MED27: variants seen among roughly 807,000 people sequenced by gnomAD.
MED27 encodes mediator complex subunit 27, also known as mediator of RNA polymerase II transcription subunit 27.
Under a neutral mutation model 38.2 loss-of-function variants are expected in MED27, and 30 were observed. The ratio of observed to expected loss-of-function variants is 0.79; its 90% confidence interval spans 0.59 to 1.07. The LOEUF (loss-of-function observed/expected upper bound fraction) is 1.07. Among genes scored for constraint, MED27 ranks in the 50% least tolerant of loss-of-function variants. The pLI, the probability that MED27 is intolerant of heterozygous loss-of-function variation, is 0.00. For missense variants in MED27, 289 were observed against 397.5 expected (o/e 0.73, Z 2.32); for synonymous variants, 122 against 153.5 (o/e 0.79, Z 1.52).
intron 3 of MED27, among the ~76,000 whole-genome samples, chr9:131,980,477 T>G (rs1302707764): frequency 1.3e-5 from 2 of 152,188 alleles, no homozygotes; most frequent in Non-Finnish European, 2.9e-5. Flanking sequence ...GGACACAGCA[T>G]GCTATTTCAT....
At chr9:131,985,653 T>C (rs989179027) in intron 3 of MED27, among the ~76,000 whole-genome samples, 3 of 152,172 alleles carry the variant, frequency 2.0e-5, no homozygotes, top group Non-Finnish European at 4.4e-5. Context: ...TGATAATAAA[T>C]GACTGTTACT....
chr9:131,907,869 C>T (rs1333864892), intron 4 of MED27, among the ~76,000 whole-genome samples: 15 of 150,322 alleles, frequency 1.0e-4, no homozygotes, highest in African/African-American at 1.7e-4. Context: ...TCTGCCCCGC[C>T]GCCCCGTCTG....
At chr9:131,873,616 G>A (rs1189329580) in intron 6 of MED27, among the ~76,000 whole-genome samples, 1 of 152,156 alleles carries the variant, frequency 6.6e-6, no homozygotes, top group East Asian at 1.9e-4. Context: ...CTTAATGAAG[G>A]AGCCATTTGC....
chr9:132,014,997 T>C (rs1832570604), intron 2 of MED27, among the ~76,000 whole-genome samples: 1 of 152,208 alleles, frequency 6.6e-6, no homozygotes, highest in African/African-American at 2.4e-5. Flanking sequence ...CAAAGTTAGT[T>C]CTGGGAAGTC....
At chr9:132,071,128 C>T (rs1334427472) in intron 2 of MED27, among the ~76,000 whole-genome samples, 1 of 152,178 alleles carries the variant, frequency 6.6e-6, no homozygotes. Context: ...TCATTTTGTC[C>T]TCATAACACC....
intron 6 of MED27, among the ~76,000 whole-genome samples, chr9:131,865,340 G>A (rs1395793570): frequency 2.6e-5 from 4 of 152,090 alleles, no homozygotes; most frequent in African/African-American, 4.8e-5. Flanking sequence ...GGTAATTGGC[G>A]GGGGGACATT....
chr9:132,073,052 C>G (rs1057394755), intron 2 of MED27, among the ~76,000 whole-genome samples: 1 of 152,020 alleles, frequency 6.6e-6, no homozygotes, highest in Admixed American at 6.5e-5. Flanking sequence ...TCAGGCAACT[C>G]CAAAAAACTT....
At chr9:131,876,028 T>A (rs1240608151) in intron 6 of MED27, among the ~76,000 whole-genome samples, 2 of 152,192 alleles carry the variant, frequency 1.3e-5, no homozygotes, top group Admixed American at 1.3e-4. Flanking sequence ...GTGGTCTCTC[T>A]CTGGGATGGT....
intron 6 of MED27, among the ~76,000 whole-genome samples, chr9:131,867,836 A>C (rs1838762353): frequency 6.6e-6 from 1 of 152,178 alleles, no homozygotes; most frequent in African/African-American, 2.4e-5. Flanking sequence ...CTCATCTAGG[A>C]GCTCGGGGAG....
At chr9:131,981,145 A>T (rs771489062) in intron 3 of MED27, among the ~76,000 whole-genome samples, 1 of 152,254 alleles carries the variant, frequency 6.6e-6, no homozygotes, top group Non-Finnish European at 1.5e-5. Flanking sequence ...ATATGATTTC[A>T]GAGCTGTTGG....
At chr9:131,911,416 T>A (rs1370228215) in intron 4 of MED27, among the ~76,000 whole-genome samples, 3 of 152,224 alleles carry the variant, frequency 2.0e-5, no homozygotes, top group African/African-American at 7.2e-5. Context: ...TTTGCTTGGT[T>A]CCATGGTAGC....
chr9:131,975,582 G>A (rs1371352436), intron 3 of MED27, among the ~76,000 whole-genome samples: 1 of 152,104 alleles, frequency 6.6e-6, no homozygotes, highest in Non-Finnish European at 1.5e-5. Flanking sequence ...GACCACCATT[G>A]ACCACATTCC....
At chr9:132,042,913 A>G (rs763723004) in intron 2 of MED27, among the ~76,000 whole-genome samples, 2 of 152,178 alleles carry the variant, frequency 1.3e-5, no homozygotes, top group Non-Finnish European at 2.9e-5. Context: ...TACCTTTGCC[A>G]ACTCTAGCTA....
chr9:131,884,677 A>G (rs2131486961), intron 5 of MED27, among the ~76,000 whole-genome samples: 1 of 142,498 alleles, frequency 7.0e-6, no homozygotes, highest in East Asian at 2.0e-4. Flanking sequence ...GCGTGATCTC[A>G]GCTCACTGCA....
chr9:132,064,067 C>T (rs1833754761), intron 2 of MED27, among the ~76,000 whole-genome samples: 1 of 152,294 alleles, frequency 6.6e-6, no homozygotes, highest in Middle Eastern at 3.4e-3. Context: ...TCAGGTGATT[C>T]CAATTCTCAT....
chr9:132,005,576 C>CA (rs1832340370), intron 3 of MED27, among the ~76,000 whole-genome samples: 1 of 152,066 alleles, frequency 6.6e-6, no homozygotes, highest in South Asian at 2.1e-4. Flanking sequence ...TTAACTTTTG[C>CA]AAAAAAACTG....
At chr9:131,899,675 G>A (rs1829900631) in intron 4 of MED27, among the ~76,000 whole-genome samples, 1 of 152,218 alleles carries the variant, frequency 6.6e-6, no homozygotes, top group Non-Finnish European at 1.5e-5. Context: ...AGCAGGAAGG[G>A]TAACGTAACA....
chr9:131,967,199 C>G (rs548942992), intron 3 of MED27, among the ~76,000 whole-genome samples: 1 of 152,268 alleles, frequency 6.6e-6, no homozygotes, highest in South Asian at 2.1e-4. Context: ...TAAGTTTATT[C>G]AAAATATAAA....
At chr9:131,948,176 A>C (rs1481588869) in intron 3 of MED27, among the ~76,000 whole-genome samples, 1 of 152,216 alleles carries the variant, frequency 6.6e-6, no homozygotes, top group African/African-American at 2.4e-5. Flanking sequence ...CAAGAAAATC[A>C]AAAATACTTT....
Sources: allele counts gnomAD v4.1 joint callset (sites outside exome capture counted in the v4.1 genomes callset), GRCh38; gene constraint gnomAD v4.1.1; transcripts MANE v1.5; gene names NCBI Gene and HGNC (gene_info 2026-07-23, HGNC 2026-07-21).